Variants in RERG observed in about 807,000 individuals in gnomAD.
The protein encoded by RERG is ras-related and estrogen-regulated growth inhibitor.
RERG carries 25 observed loss-of-function variants against 23.2 expected under a neutral mutation model. The observed-to-expected ratio is 1.08, with a 90% confidence interval of 0.79 to 1.50. The LOEUF (loss-of-function observed/expected upper bound fraction) is 1.50. RERG is among the 40% of genes most tolerant of loss of function. The pLI is 0.00. For missense variants in RERG, 253 were observed against 250.1 expected (o/e 1.01, Z -0.08); for synonymous variants, 81 against 89.1 (o/e 0.91, Z 0.51).
chr12:15,158,273 C>T (rs1864551914), intron 2 of RERG, among the ~76,000 whole-genome samples: 1 of 151,806 alleles, frequency 6.6e-6, no homozygotes, highest in Non-Finnish European at 1.5e-5. Flanking sequence ...AACAGTTCCT[C>T]AGTTTTTTTG....
intron 2 of RERG, among the ~76,000 whole-genome samples, chr12:15,211,288 C>T (rs1027565283): frequency 1.5e-5 from 1 of 67,798 alleles, no homozygotes; most frequent in Admixed American, 1.5e-4. Flanking sequence ...ATTTTATACA[C>T]ACACACACAC....
intron 2 of RERG, among the ~76,000 whole-genome samples, chr12:15,173,790 A>G (rs893552529): frequency 2.6e-5 from 4 of 151,944 alleles, no homozygotes; most frequent in Admixed American, 2.0e-4. Flanking sequence ...GTTAGTATAT[A>G]GAAATATAAT....
intron 2 of RERG, among the ~76,000 whole-genome samples, chr12:15,178,794 C>T (rs1348308535): frequency 1.3e-5 from 2 of 152,024 alleles, no homozygotes; most frequent in Non-Finnish European, 2.9e-5. Context: ...AAGACCATCT[C>T]GTTAGAGATG....
intron 2 of RERG, among the ~76,000 whole-genome samples, chr12:15,185,838 G>GA (rs1008597591): frequency 4.9e-5 from 7 of 143,358 alleles, no homozygotes; most frequent in African/African-American, 1.5e-4. Flanking sequence ...AAGTTGAAAA[G>GA]AAAAAAAAAT....
intron 2 of RERG, among the ~76,000 whole-genome samples, chr12:15,204,938 A>G (rs1865263812): frequency 6.6e-6 from 1 of 151,922 alleles, no homozygotes; most frequent in South Asian, 2.1e-4. Flanking sequence ...TTAAAAAACA[A>G]TAATTCTAGG....
intron 4 of RERG, among the ~76,000 whole-genome samples, chr12:15,110,492 T>TTTTTTTTTTTTTTTC: frequency 8.0e-6 from 1 of 125,570 alleles, no homozygotes; most frequent in Non-Finnish European, 1.7e-5. Flanking sequence ...TTTTTTTTTT[T>TTTTTTTTTTTTTTTC]TACTGAGACG....
At chr12:15,114,776 G>C (rs995532562) in intron 3 of RERG, 2 of 152,278 alleles carry the variant, frequency 1.3e-5, no homozygotes, top group Admixed American at 6.5e-5. Flanking sequence ...TGTAGTGCCT[G>C]AACCAGTAAC....
In RERG at chr12:15,126,718, T is replaced by TTCTA. The variant is rs1863949706; in HGVS notation, c.62-5600_62-5599insTAGA. On this transcript the variant is annotated intron_variant, in intron 2 of 4. Transcript: ENST00000256953. ...ATCCAGATAGCATTTCTTTTTCTTT[T>TTCTA]TCTTTCTTTTTTTTTTTTTTTTGAG... 5.7e-5 allele frequency among the ~76,000 whole-genome samples: 6 copies of TTCTA among 105,562 alleles called. No homozygotes were observed. The South Asian group carries it at 1.8e-3, about 31-fold the overall frequency. The allele number at this position is 105,562 out of a possible 152,430, so 69.3% of individuals were successfully genotyped here. A position where few individuals can be genotyped will look rare whatever the true frequency, so the allele number is the denominator to read the frequency against.
At chr12:15,217,010 A>G (rs1397320004) in intron 2 of RERG, 1 of 154,562 alleles carries the variant, frequency 6.5e-6, no homozygotes, top group African/African-American at 2.4e-5. Context: ...TCACTTAAGC[A>G]TTTTTAAAGC....
chr12:15,154,256 G>T (rs530832107), intron 2 of RERG: 2 of 152,214 alleles, frequency 1.3e-5, no homozygotes, highest in South Asian at 4.2e-4. Flanking sequence ...AGTCTCCCTG[G>T]CAATCAATAA....
chr12:15,168,339 A>G (rs1207955448), intron 2 of RERG, among the ~76,000 whole-genome samples: 2 of 152,166 alleles, frequency 1.3e-5, no homozygotes, highest in Non-Finnish European at 2.9e-5. Flanking sequence ...CTGAGCCTAA[A>G]GACTCAATTT....
At chr12:15,115,638 C>A (rs1012419417) in intron 3 of RERG, among the ~76,000 whole-genome samples, 1 of 152,064 alleles carries the variant, frequency 6.6e-6, no homozygotes, top group African/African-American at 2.4e-5. Context: ...ACCAACCAAC[C>A]AACACAATAA....
rs576269448 is a variant in RERG at position 15,148,399 on chromosome 12, C to CGGA, written c.62-27281_62-27280insTCC. 1.5e-3 allele frequency among the ~76,000 whole-genome samples: 232 copies of CGGA among 151,970 alleles called. 6 individuals are homozygous for CGGA. In the South Asian group the frequency reaches 0.047, roughly 31 times the overall value. ...GGTGCGAATAAAGAAGGTAGAAATG[C>CGGA]GGGGGGGAAATGACCTAAAAAACAA... On this transcript the variant is annotated intron_variant, in intron 2 of 4. Transcript: ENST00000256953.
chr12:15,145,152 T>C (rs1345676264), intron 2 of RERG, among the ~76,000 whole-genome samples: 1 of 152,188 alleles, frequency 6.6e-6, no homozygotes, highest in Non-Finnish European at 1.5e-5. Flanking sequence ...ACAAGAACCC[T>C]CTGCTCCCCC....
intron 2 of RERG, among the ~76,000 whole-genome samples, chr12:15,143,300 CAT>C (rs1864268519): frequency 1.3e-5 from 2 of 151,126 alleles, no homozygotes; most frequent in South Asian, 4.2e-4. Flanking sequence ...CATATATGTA[CAT>C]ATAATATACA....
intron 2 of RERG, among the ~76,000 whole-genome samples, chr12:15,141,119 A>T (rs1864230942): frequency 2.8e-5 from 4 of 143,946 alleles, no homozygotes; most frequent in South Asian, 2.2e-4. Flanking sequence ...TTTTCCCTTC[A>T]CATTTTATTT....
At chr12:15,185,132 G>A (rs1016018038) in intron 2 of RERG, among the ~76,000 whole-genome samples, 3 of 151,992 alleles carry the variant, frequency 2.0e-5, no homozygotes, top group Admixed American at 2.0e-4. Context: ...TCATTCCCCT[G>A]AAATATTTAA....
intron 2 of RERG, among the ~76,000 whole-genome samples, chr12:15,152,920 T>C (rs960259738): frequency 1.3e-5 from 2 of 152,194 alleles, no homozygotes; most frequent in African/African-American, 2.4e-5. Flanking sequence ...TTTCTGATGT[T>C]ATGCTACTTA....
chr12:15,154,405 A>C (rs1008821024), intron 2 of RERG: 1 of 152,216 alleles, frequency 6.6e-6, no homozygotes, highest in Non-Finnish European at 1.5e-5. Context: ...GGAAAAACTC[A>C]CATATTGCAT....
Sources: gnomAD v4.1 joint callset for allele counts (sites outside exome capture counted in the v4.1 genomes callset) on GRCh38, gnomAD v4.1.1 for gene constraint, MANE v1.5 for transcripts, NCBI Gene and HGNC (gene_info 2026-07-23, HGNC 2026-07-21) for gene names.